PTPRQ: variants seen among roughly 807,000 people sequenced by gnomAD.
The protein encoded by PTPRQ is protein tyrosine phosphatase receptor type Q.
PTPRQ carries 199 observed loss-of-function variants against 246.0 expected under a neutral mutation model. The observed-to-expected ratio is 0.81, with a 90% CI of 0.72 to 0.91. The LOEUF is 0.91. Ranked by LOEUF, PTPRQ falls within the 40% of genes least tolerant of loss-of-function variation. PTPRQ has a pLI of 0.00. For synonymous variants in PTPRQ, 869 were observed against 853.2 expected, an observed-to-expected ratio of 1.02 and a Z score of -0.32; for missense variants, 2,624 against 2,528.4, an observed-to-expected ratio of 1.04 and a Z score of -0.81.
intron 29 of PTPRQ, among the ~76,000 whole-genome samples, chr12:80,614,672 A>G (rs1898683034): frequency 6.6e-6 from 1 of 150,810 alleles, no homozygotes; most frequent in Non-Finnish European, 1.5e-5. Flanking sequence ...CCATTGTGAA[A>G]GATCGATTAG....
At position 80,678,690 on chromosome 12, in the gene PTPRQ, C is replaced by T. The variant is rs1255362660; in HGVS notation, c.6827C>T (p.Ala2276Val). The change falls in exon 44 of 45, where the codon GCA becomes GTA. Residue 2276 changes from alanine to valine, a missense_variant. Transcript: ENST00000644991. ...CCCATCTGTTTTGTTAACTATTCAG[C>T]ACTTCAGAAGATGGACTCTTTGGAC... The part of the protein sequence containing the change: ...NQPICFVNYS[A>V]LQKMDSLDAM... The T allele has an allele frequency of 2.6e-6, 4 of 1,550,226 alleles. No homozygotes were observed. The highest frequency in any genetic ancestry group is 2.0e-5 in the Admixed American group (1 of 50,926).
At chr12:80,484,789 A>C (rs376694776) in intron 9 of PTPRQ, among the ~76,000 whole-genome samples, 184 bp downstream of exon 9, 1 of 152,166 alleles carries the variant, frequency 6.6e-6, no homozygotes, top group Non-Finnish European at 1.5e-5. Flanking sequence ...ATATATTATT[A>C]GTTAAGTGCT....
rs973400142 is a variant in PTPRQ, at chr12:80,619,401, A to G, written c.5248A>G (p.Thr1750Ala). 5.9e-5 allele frequency: 91 copies of G among 1,547,384 alleles called. No homozygotes were observed. The highest frequency in any genetic ancestry group is 7.5e-5 in the Non-Finnish European group (86 of 1,144,412). Residue 1750 changes from threonine (T) to alanine (A), a missense_variant, in exon 31 of 45, where the codon ACC (threonine) becomes GCC (alanine). Thr to Ala is a moderately conservative substitution (Grantham distance 58, BLOSUM62 0). Transcript: ENST00000644991. ...GTTTATAGCTCCAGCACGACCAAAA[A>G]CCAAACCAACCCCTATTTATGATGC... is the stretch of plus-strand genomic sequence containing the variant. ...MDIKAPARPK[T>A]KPTPIYDATG...
chr12:80,641,565 C>T (rs750376921), intron 35 of PTPRQ, among the ~76,000 whole-genome samples: 7 of 152,182 alleles, frequency 4.6e-5, no homozygotes, highest in Non-Finnish European at 1.0e-4. Context: ...TTCAGATTAA[C>T]TAGTTACCAA....
In PTPRQ at chr12:80,471,474, A is replaced by ATTTTTTTTTTTTTTT. The variant is rs1176393485; in HGVS notation, c.1040-628_1040-614dup. Among the ~76,000 whole-genome samples the ATTTTTTTTTTTTTTT allele has an allele frequency of 2.7e-5, 2 of 73,198 alleles. 1 individual carries two copies. The highest frequency in any genetic ancestry group is 1.2e-4 in the African/African-American group (2 of 16,858). The allele number at this position is 73,198 out of a possible 152,430, so 48.0% of individuals were successfully genotyped here. ...ATAGAAGATAATGAAATTATTTAGC[A>ATTTTTTTTTTTTTTT]TTTTTTTTTTTTTTTTTATTTGAGA... is the stretch of plus-strand genomic sequence containing the variant. On this transcript the variant is annotated intron_variant, in intron 7 of 44. Coordinates refer to ENST00000644991, the MANE Select transcript of PTPRQ (RefSeq NM_001145026.2).
chr12:80,464,070 T>G (rs938282084), intron 6 of PTPRQ, among the ~76,000 whole-genome samples: 1 of 151,882 alleles, frequency 6.6e-6, no homozygotes, highest in Non-Finnish European at 1.5e-5. Context: ...AGACACAGAC[T>G]GGCAAATTAG....
intron 35 of PTPRQ, among the ~76,000 whole-genome samples, chr12:80,638,406 C>T (rs1899737751): frequency 6.6e-6 from 1 of 151,936 alleles, no homozygotes; most frequent in Non-Finnish European, 1.5e-5. Context: ...TATGTTTTCC[C>T]ATGTCCAAAA....
In PTPRQ at chr12:80,444,345, G is replaced by T; in HGVS notation, c.-1G>T. On this transcript the variant is annotated 5_prime_UTR_variant, in exon 1 of 45. Transcript: ENST00000644991. ...TCTACTGGCTGAAAAATGTAATAAA[G>T]ATGGATTTTCTTATCATTTTTCTTT... 1 of 1,427,134 alleles carries T rather than the reference G, an allele frequency of 7.0e-7. No homozygotes were observed. The highest frequency in any genetic ancestry group is 9.6e-7 in the Non-Finnish European group (1 of 1,037,202). The allele number at this position is 1,427,134 out of a possible 1,614,324, so 88.4% of individuals were successfully genotyped here.
chr12:80,486,584 G>A (rs1315202158), intron 9 of PTPRQ, among the ~76,000 whole-genome samples: 1 of 152,134 alleles, frequency 6.6e-6, no homozygotes, highest in Non-Finnish European at 1.5e-5. Flanking sequence ...GGCTTATATA[G>A]CCACCTTACA....
chr12:80,538,509 A>T (rs1253728021), intron 19 of PTPRQ, among the ~76,000 whole-genome samples: 1 of 152,220 alleles, frequency 6.6e-6, no homozygotes, highest in Non-Finnish European at 1.5e-5. Context: ...TGTGTAAAGT[A>T]GATGTATTGG....
chr12:80,591,742 G>C (rs1306093899), intron 26 of PTPRQ, among the ~76,000 whole-genome samples: 1 of 152,110 alleles, frequency 6.6e-6, no homozygotes, highest in African/African-American at 2.4e-5. Flanking sequence ...TACATCAGTA[G>C]CCTAGATCTG....
intron 6 of PTPRQ, among the ~76,000 whole-genome samples, chr12:80,467,023 A>C (rs548711279): frequency 6.6e-6 from 1 of 152,336 alleles, no homozygotes; most frequent in East Asian, 1.9e-4. Context: ...TAATTAAACT[A>C]AAGAGCGTCT....
rs1455656953 is a variant in PTPRQ, at chr12:80,678,585, C to G, written c.6739-17C>G. ...TCATCAATATATTTGTTTAACCACT[C>G]TGTCTTTGGTGTCTAGGCACAGTAT... On this transcript the variant is annotated splice_polypyrimidine_tract_variant and intron_variant, in intron 43 of 44. Coordinates refer to ENST00000644991, the MANE Select transcript of PTPRQ (RefSeq NM_001145026.2). 3.3e-6 allele frequency: 5 copies of G among 1,533,212 alleles called. No homozygotes were observed. Among genetic ancestry groups the G allele is most frequent in the Non-Finnish European group, 4.4e-6 (5 of 1,138,788 alleles). The allele number at this position is 1,533,212 out of a possible 1,614,324, so 95.0% of individuals were successfully genotyped here. A position where few individuals can be genotyped will look rare whatever the true frequency, so the allele number is the denominator to read the frequency against.
At position 80,542,849 on chromosome 12, in the gene PTPRQ, CATGAACATGAAACTGACACTATATATTA is replaced by C; in HGVS notation, c.3842_3869del (p.His1281LeufsTer41). On this transcript the variant is annotated frameshift_variant, in exon 23 of 45. Transcript: ENST00000644991. LOFTEE classifies it high-confidence loss of function. ...TGTTAAAGTATATAGTTTTAAAATTCATGAACATGAAACTGACACTATATATTATAAGGTAGGTTGATTATAACAGTAT... is the reference window on the plus strand; with the variant it reads ...TGTTAAAGTATATAGTTTTAAAATTCTAAGGTAGGTTGATTATAACAGTAT... 1 of 1,536,166 alleles carries C rather than the reference CATGAACATGAAACTGACACTATATATTA, an allele frequency of 6.5e-7. No individual in the cohort carries two copies. The highest frequency in any genetic ancestry group is 8.8e-7 in the Non-Finnish European group (1 of 1,139,768).
At chr12:80,448,599 C>A (rs1452429412) in intron 3 of PTPRQ, among the ~76,000 whole-genome samples, 1 of 150,668 alleles carries the variant, frequency 6.6e-6, no homozygotes, top group Non-Finnish European at 1.5e-5. Flanking sequence ...TGTTCAATTC[C>A]CACCTATGAG....
intron 25 of PTPRQ, among the ~76,000 whole-genome samples, chr12:80,567,482 A>G (rs2120941142): frequency 6.6e-6 from 1 of 152,282 alleles, no homozygotes; most frequent in East Asian, 1.9e-4. Context: ...TCCATCCCCC[A>G]TAGAAAGTTC....
intron 43 of PTPRQ, among the ~76,000 whole-genome samples, chr12:80,676,644 A>C: frequency 6.6e-6 from 1 of 152,048 alleles, no homozygotes; most frequent in East Asian, 1.9e-4. Flanking sequence ...TCTGTTGCAA[A>C]CAACAACAAC....
At chr12:80,643,019 T>C (rs1899943406) in intron 35 of PTPRQ, among the ~76,000 whole-genome samples, 1 of 151,400 alleles carries the variant, frequency 6.6e-6, no homozygotes, top group Admixed American at 6.6e-5. Context: ...GGAAGAAACA[T>C]TGCCTCCAAA....
At chr12:80,665,217 G>A (rs184300396) in intron 39 of PTPRQ, among the ~76,000 whole-genome samples, 1 of 152,082 alleles carries the variant, frequency 6.6e-6, no homozygotes, top group Non-Finnish European at 1.5e-5. Flanking sequence ...TTCTAGGGCA[G>A]GAAGCATCCA....
Sources: gnomAD v4.1 joint callset for allele counts (sites outside exome capture counted in the v4.1 genomes callset) on GRCh38, gnomAD v4.1.1 for gene constraint, MANE v1.5 for transcripts, NCBI Gene and HGNC (gene_info 2026-07-23, HGNC 2026-07-21) for gene names.